ITGA8: variants seen among roughly 807,000 people sequenced by gnomAD.
ITGA8 encodes integrin alpha-8.
In ITGA8, 91 loss-of-function variants were observed where a neutral mutation model predicts 142.3. The ratio of observed to expected loss-of-function variants is 0.64; its 90% CI spans 0.54 to 0.76. The LOEUF (loss-of-function observed/expected upper bound fraction) is 0.76. ITGA8 is among the 30% of genes least tolerant of loss of function. ITGA8 has a pLI of 0.00. For synonymous variants in ITGA8, 505 were observed against 485.2 expected (o/e 1.04, Z -0.54); for missense variants, 1,406 against 1,327.7 (o/e 1.06, Z -0.92).
chr10:15,704,466 C>T (rs971127515), intron 2 of ITGA8, among the ~76,000 whole-genome samples: 1 of 152,170 alleles, frequency 6.6e-6, no homozygotes, highest in Non-Finnish European at 1.5e-5. Context: ...AAAACCCTTC[C>T]CCTGTCAGTA....
chr10:15,639,385 G>A (rs979546781), intron 13 of ITGA8, among the ~76,000 whole-genome samples: 2 of 152,150 alleles, frequency 1.3e-5, no homozygotes, highest in Admixed American at 6.5e-5. Flanking sequence ...GGGGTGCTGC[G>A]TAAAGGCACA....
chr10:15,677,705 T>C, intron 5 of ITGA8, 68 bp from the exon 6 acceptor site: 11 of 1,489,838 alleles, frequency 7.4e-6, no homozygotes, highest in Non-Finnish European at 1.0e-5. Flanking sequence ...TAAAGGGTGA[T>C]AAATTGTTGT....
chr10:15,660,598 G>T (rs1213397624), intron 9 of ITGA8, among the ~76,000 whole-genome samples: 1 of 152,126 alleles, frequency 6.6e-6, no homozygotes, highest in Non-Finnish European at 1.5e-5. Context: ...TTTGAGTTTT[G>T]ATCTTTTCCC....
intron 11 of ITGA8, among the ~76,000 whole-genome samples, chr10:15,654,569 T>C (rs1834149070): frequency 6.6e-6 from 1 of 152,238 alleles, no homozygotes; most frequent in Admixed American, 6.5e-5. Context: ...AGCAAAAGTA[T>C]AGCTAAAGTG....
intron 23 of ITGA8, among the ~76,000 whole-genome samples, chr10:15,582,843 A>T (rs1184800139): frequency 6.6e-6 from 1 of 152,288 alleles, no homozygotes; most frequent in East Asian, 1.9e-4. Context: ...GAATGGAAAC[A>T]GTATAGCCTT....
At chr10:15,536,731 G>T (rs762580060) in intron 27 of ITGA8, among the ~76,000 whole-genome samples, 1 of 152,106 alleles carries the variant, frequency 6.6e-6, no homozygotes, top group Non-Finnish European at 1.5e-5. Flanking sequence ...TGTCATTACC[G>T]CATCATTTAA....
chr10:15,559,462 C>G (rs1363535136), intron 25 of ITGA8, among the ~76,000 whole-genome samples: 1 of 152,070 alleles, frequency 6.6e-6, no homozygotes, highest in Non-Finnish European at 1.5e-5. Flanking sequence ...TCCCAGGAAA[C>G]AGAGAGATGA....
chr10:15,523,462 G>C (rs552016545), intron 28 of ITGA8, among the ~76,000 whole-genome samples: 1 of 152,164 alleles, frequency 6.6e-6, no homozygotes, highest in Non-Finnish European at 1.5e-5. Context: ...TGCTCCCAAA[G>C]AGCCTGACAG....
chr10:15,669,532 C>A (rs2131682675), intron 8 of ITGA8, among the ~76,000 whole-genome samples: 1 of 152,328 alleles, frequency 6.6e-6, no homozygotes, highest in Admixed American at 6.5e-5. Context: ...CAAAGTCATT[C>A]TCCATCCAGC....
intron 13 of ITGA8, among the ~76,000 whole-genome samples, chr10:15,638,813 G>T (rs746938525): frequency 6.6e-6 from 1 of 152,104 alleles, no homozygotes; most frequent in South Asian, 2.1e-4. Context: ...GCAGCTGAAC[G>T]CCTGTATGTC....
chr10:15,701,176 G>GTGTGAT (rs1453330620), intron 2 of ITGA8, among the ~76,000 whole-genome samples: 1 of 152,208 alleles, frequency 6.6e-6, no homozygotes, highest in Non-Finnish European at 1.5e-5. Flanking sequence ...GGATGTGTAT[G>GTGTGAT]TGTGATTGTG....
intron 26 of ITGA8, among the ~76,000 whole-genome samples, chr10:15,553,299 A>C (rs1806444703): frequency 1.1e-5 from 1 of 87,120 alleles, no homozygotes; most frequent in Admixed American, 1.9e-4. Flanking sequence ...TCCAGTTGCC[A>C]TAGTTTTTTT....
At chr10:15,604,437 G>A (rs1031231265) in intron 19 of ITGA8, 82 bp from the exon 20 acceptor site, 50 of 1,200,420 alleles carry the variant, frequency 4.2e-5, no homozygotes, top group African/African-American at 6.2e-5. Context: ...TTATAGAGGA[G>A]GAAAAGAAAA....
In ITGA8 at chr10:15,685,158, C is replaced by G. The variant is rs985847558; in HGVS notation, c.445-1031G>C. ...ACAAGCATTTCCAAGGCATTAAACA[C>G]CACAGGTGAGGCAATTCAAGTCTCT... is the stretch of plus-strand genomic sequence containing the variant. On this transcript the variant is annotated intron_variant, in intron 3 of 29. Coordinates refer to ENST00000378076, the MANE Select transcript of ITGA8 (RefSeq NM_003638.3). 2.6e-5 allele frequency among the ~76,000 whole-genome samples: 4 copies of G among 152,186 alleles called. No individual in the cohort carries two copies. The East Asian group carries it at 7.7e-4, about 29-fold the overall frequency.
rs573465756 is a variant in ITGA8 at position 15,608,387 on chromosome 10, CTATA to C, written c.1554-101_1554-98del. The C allele has an allele frequency of 1.3e-3, 904 of 672,396 alleles. 10 individuals are homozygous for C. Among genetic ancestry groups the C allele is most frequent in the South Asian group, 0.012 (682 of 54,846 alleles). 41.7% of individuals were successfully genotyped at this position (672,396 alleles called of 1,614,324 possible). A position where few individuals can be genotyped will look rare whatever the true frequency, so the allele number is the denominator to read the frequency against. On this transcript the variant is annotated intron_variant, in intron 15 of 29. Transcript: ENST00000378076. ...TCCCAGATAACGAATATCATTTTCT[CTATA>C]TATTTCTAATTACACACACACACAC...
At chr10:15,550,413 C>A (rs553525063) in intron 26 of ITGA8, among the ~76,000 whole-genome samples, 59 of 152,308 alleles carry the variant, frequency 3.9e-4, no homozygotes, top group African/African-American at 1.4e-3. Flanking sequence ...TGCTTCACGG[C>A]TGACATGCTG....
chr10:15,707,724 G>A (rs1047953818), intron 2 of ITGA8, among the ~76,000 whole-genome samples: 7 of 151,734 alleles, frequency 4.6e-5, no homozygotes, highest in Non-Finnish European at 1.0e-4. Context: ...TCAGGAGGCT[G>A]AGGCAGGAGA....
At chr10:15,539,449 A>C (rs901177610) in intron 27 of ITGA8, among the ~76,000 whole-genome samples, 6 of 152,234 alleles carry the variant, frequency 3.9e-5, no homozygotes, top group Admixed American at 3.9e-4. Flanking sequence ...CAGACATTTG[A>C]CACTATCTCC....
At chr10:15,560,948 G>A (rs1010621284) in intron 25 of ITGA8, among the ~76,000 whole-genome samples, 3 of 151,628 alleles carry the variant, frequency 2.0e-5, no homozygotes, top group African/African-American at 7.3e-5. Context: ...TCACTCTGTC[G>A]GTCAGGCTGG....
Sources: gnomAD v4.1 joint callset for allele counts (sites outside exome capture counted in the v4.1 genomes callset) on GRCh38, gnomAD v4.1.1 for gene constraint, MANE v1.5 for transcripts, NCBI Gene and HGNC (gene_info 2026-07-23, HGNC 2026-07-21) for gene names.